Variants in HS6ST3 observed in about 807,000 individuals in gnomAD.
The protein encoded by HS6ST3 is heparan sulfate 6-O-sulfotransferase 3.
HS6ST3 carries 12 observed loss-of-function variants against 36.7 expected under a neutral mutation model. That is an observed-to-expected ratio of 0.33 (90% CI 0.21 to 0.53). HS6ST3 has a LOEUF of 0.53. Among genes scored for constraint, HS6ST3 ranks in the 20% least tolerant of loss-of-function variants. The pLI, the probability that HS6ST3 is intolerant of heterozygous loss-of-function variation, is 0.95. For missense variants in HS6ST3, 584 were observed against 640.9 expected, an observed-to-expected ratio of 0.91 and a Z score of 0.96; for synonymous variants, 240 against 257.5, an observed-to-expected ratio of 0.93 and a Z score of 0.65.
At chr13:96,244,329 C>G (rs1301658418) in intron 1 of HS6ST3, among the ~76,000 whole-genome samples, 2 of 152,100 alleles carry the variant, frequency 1.3e-5, no homozygotes, top group Non-Finnish European at 2.9e-5. Context: ...GTTCTAATGA[C>G]TTTATGCTAA....
chr13:96,582,598 T>C (rs2138969758), intron 1 of HS6ST3, among the ~76,000 whole-genome samples: 2 of 152,248 alleles, frequency 1.3e-5, no homozygotes, highest in East Asian at 3.9e-4. Context: ...TGAAGCAAGT[T>C]GGAGATTTTG....
chr13:96,626,108 C>G (rs893684113), intron 1 of HS6ST3, among the ~76,000 whole-genome samples: 1 of 152,106 alleles, frequency 6.6e-6, no homozygotes, highest in Admixed American at 6.5e-5. Flanking sequence ...TCCCAAAGTG[C>G]TGGGATTACA....
intron 1 of HS6ST3, among the ~76,000 whole-genome samples, chr13:96,472,449 A>G (rs1435359080): frequency 4.6e-5 from 7 of 152,056 alleles, no homozygotes; most frequent in Non-Finnish European, 1.5e-5. Flanking sequence ...TTCTTTATTT[A>G]GCTAACTCTT....
chr13:96,602,146 C>T (rs2056423953), intron 1 of HS6ST3, among the ~76,000 whole-genome samples: 1 of 152,162 alleles, frequency 6.6e-6, no homozygotes, highest in African/African-American at 2.4e-5. Flanking sequence ...TGCAATACCC[C>T]AGTGGTGGGC....
chr13:96,377,418 T>G (rs2055320260), intron 1 of HS6ST3, among the ~76,000 whole-genome samples: 1 of 152,160 alleles, frequency 6.6e-6, no homozygotes. Flanking sequence ...TTGTTCTTTT[T>G]AAGAGAATAT....
chr13:96,538,587 G>T (rs1325008585), intron 1 of HS6ST3, among the ~76,000 whole-genome samples: 1 of 152,176 alleles, frequency 6.6e-6, no homozygotes, highest in African/African-American at 2.4e-5. Context: ...GGGACTGCAG[G>T]CACATGCCAC....
intron 1 of HS6ST3, among the ~76,000 whole-genome samples, chr13:96,141,430 T>G (rs546013758): frequency 1.3e-5 from 2 of 152,200 alleles, no homozygotes; most frequent in South Asian, 2.1e-4. Context: ...CATGGCTCAC[T>G]GCATCCTCAA....
intron 1 of HS6ST3, among the ~76,000 whole-genome samples, chr13:96,280,566 G>A (rs1373264864): frequency 6.6e-6 from 1 of 152,148 alleles, no homozygotes; most frequent in Non-Finnish European, 1.5e-5. Flanking sequence ...TGAACAATCA[G>A]AGAGTTCAGA....
chr13:96,394,660 A>G (rs2055412319), intron 1 of HS6ST3, among the ~76,000 whole-genome samples: 6 of 152,220 alleles, frequency 3.9e-5, no homozygotes. Flanking sequence ...GCATGAGTAT[A>G]GCATATTAAC....
In HS6ST3 at chr13:96,538,256, A is replaced by G. The variant is rs118005943; in HGVS notation, c.708-294234A>G. Among the ~76,000 whole-genome samples, 89 of 152,372 alleles carry G rather than the reference A, an allele frequency of 5.8e-4. No individual in the cohort carries two copies. In the East Asian group the frequency reaches 0.017, roughly 28 times the overall value. On this transcript the variant is annotated intron_variant, in intron 1 of 1. Coordinates refer to ENST00000376705, the MANE Select transcript of HS6ST3 (RefSeq NM_153456.4). ...TTTATTGTGCTAGTAGAATATGTGA[A>G]TAATTTATGCAGTAAGTCCAATCAT...
intron 1 of HS6ST3, among the ~76,000 whole-genome samples, chr13:96,653,800 G>A (rs1447990604): frequency 6.6e-6 from 1 of 152,174 alleles, no homozygotes; most frequent in African/African-American, 2.4e-5. Context: ...TACCACAATG[G>A]TTGAACTAAT....
intron 1 of HS6ST3, among the ~76,000 whole-genome samples, chr13:96,755,467 C>A (rs773786201): frequency 6.6e-6 from 1 of 152,018 alleles, no homozygotes; most frequent in Admixed American, 6.6e-5. Context: ...TGTGTTCAAG[C>A]GATTCTCCTG....
At position 96,770,271 on chromosome 13, in the gene HS6ST3, T is replaced by C. The variant is rs548718286; in HGVS notation, c.708-62219T>C. On this transcript the variant is annotated intron_variant, in intron 1 of 1. Transcript: ENST00000376705. ...TTATTTGTAGAAGCCAGTCTGGAGC[T>C]CCTATGGATGAATTTATTAATTGAA... Among the ~76,000 whole-genome samples, 7 of 152,326 alleles carry C rather than the reference T, an allele frequency of 4.6e-5. No individual in the cohort carries two copies. The East Asian group carries it at 1.3e-3, about 29-fold the overall frequency.
chr13:96,658,437 C>A (rs1053033425), intron 1 of HS6ST3, among the ~76,000 whole-genome samples: 3 of 150,900 alleles, frequency 2.0e-5, no homozygotes, highest in African/African-American at 7.3e-5. Context: ...TGCACCTCCA[C>A]GCCTGGCTAA....
At chr13:96,773,478 G>C (rs1436828711) in intron 1 of HS6ST3, among the ~76,000 whole-genome samples, 1 of 152,108 alleles carries the variant, frequency 6.6e-6, no homozygotes, top group Non-Finnish European at 1.5e-5. Context: ...TGGGACACTC[G>C]AGCTTGGTCC....
intron 1 of HS6ST3, among the ~76,000 whole-genome samples, chr13:96,215,264 A>G (rs1437131624): frequency 6.6e-6 from 1 of 152,220 alleles, no homozygotes; most frequent in Admixed American, 6.5e-5. Flanking sequence ...GCGATGTGTC[A>G]TGTGCCTGTG....
At position 96,764,464 on chromosome 13, in the gene HS6ST3, GT is replaced by G. The variant is rs529021280; in HGVS notation, c.708-68025del. On this transcript the variant is annotated intron_variant, in intron 1 of 1. Transcript: ENST00000376705. ...TAGTGAGTTAAGCGTGCTTCTCAAG[GT>G]CACACTGTAACTTGCTAACATAGCG... Among the ~76,000 whole-genome samples, 14 of 152,298 alleles carry G rather than the reference GT, an allele frequency of 9.2e-5. No homozygotes were observed. The South Asian group carries it at 2.9e-3, about 32-fold the overall frequency.
At chr13:96,722,943 C>T (rs1048157662) in intron 1 of HS6ST3, among the ~76,000 whole-genome samples, 1 of 151,988 alleles carries the variant, frequency 6.6e-6, no homozygotes, top group Non-Finnish European at 1.5e-5. Flanking sequence ...TGCCACTGCA[C>T]TCCAGCCTGG....
intron 1 of HS6ST3, among the ~76,000 whole-genome samples, chr13:96,613,834 T>G (rs1444280985): frequency 6.6e-6 from 1 of 152,192 alleles, no homozygotes; most frequent in Non-Finnish European, 1.5e-5. Context: ...TTTCTTCCTT[T>G]TAATTGCACT....
Sources: allele counts gnomAD v4.1 joint callset (sites outside exome capture counted in the v4.1 genomes callset), GRCh38; gene constraint gnomAD v4.1.1; transcripts MANE v1.5; gene names NCBI Gene and HGNC (gene_info 2026-07-23, HGNC 2026-07-21).